Variants in SUGCT observed in about 807,000 individuals in gnomAD.
SUGCT encodes the protein succinyl-CoA:glutarate CoA-transferase.
Under a neutral mutation model 55.0 loss-of-function variants are expected in SUGCT, and 41 were observed. The ratio of observed to expected loss-of-function variants is 0.74; its 90% CI spans 0.58 to 0.97. The LOEUF (loss-of-function observed/expected upper bound fraction) is 0.97, where lower values mean the gene tolerates loss of function less well. Ranked by LOEUF, SUGCT falls within the 50% of genes least tolerant of loss-of-function variation. SUGCT has a pLI of 0.00. For missense variants in SUGCT, 568 were observed against 547.8 expected (o/e 1.04, Z -0.37); for synonymous variants, 187 against 200.4 (o/e 0.93, Z 0.56).
chr7:40,441,510 G>A (rs76359936), intron 9 of SUGCT, among the ~76,000 whole-genome samples: 3,405 of 152,148 alleles, frequency 0.022, 118 homozygotes, highest in African/African-American at 0.078. Context: ...TTAGAATGTT[G>A]AAGCAAATTT....
At chr7:40,275,369 C>A (rs1792396332) in intron 8 of SUGCT, among the ~76,000 whole-genome samples, 1 of 152,010 alleles carries the variant, frequency 6.6e-6, no homozygotes, top group Non-Finnish European at 1.5e-5. Context: ...AAATAAGGTA[C>A]TTAGGATTAC....
chr7:40,508,737 GCT>G (rs1792755413), intron 12 of SUGCT, among the ~76,000 whole-genome samples: 1 of 152,102 alleles, frequency 6.6e-6, no homozygotes, highest in South Asian at 2.1e-4. Context: ...CAGAAAAATT[GCT>G]GTTTTGCTAA....
intron 13 of SUGCT, among the ~76,000 whole-genome samples, chr7:40,795,058 A>G (rs1045786338): frequency 1.3e-5 from 2 of 152,186 alleles, no homozygotes; most frequent in African/African-American, 2.4e-5. Context: ...TTGTAGTTAC[A>G]TGATAAAATA....
intron 7 of SUGCT, among the ~76,000 whole-genome samples, chr7:40,249,944 G>C (rs1269332161): frequency 6.6e-6 from 1 of 152,104 alleles, no homozygotes; most frequent in Non-Finnish European, 1.5e-5. Flanking sequence ...GCACCACCAT[G>C]CGTGGATAAT....
chr7:40,437,986 A>C (rs963238978), intron 9 of SUGCT, among the ~76,000 whole-genome samples: 6 of 151,984 alleles, frequency 3.9e-5, no homozygotes, highest in Non-Finnish European at 7.4e-5. Flanking sequence ...ATAACATAGG[A>C]ACTTCGAGTT....
intron 1 of SUGCT, among the ~76,000 whole-genome samples, chr7:40,161,987 C>T (rs1215457509): frequency 1.3e-5 from 2 of 151,808 alleles, no homozygotes; most frequent in African/African-American, 4.8e-5. Flanking sequence ...ACCTCCGCCT[C>T]CCGGGTTCAA....
the SUGCT span, among the ~76,000 whole-genome samples, chr7:40,868,438 T>G: frequency 0.087 from 13,263 of 152,200 alleles, 682 homozygotes; most frequent in Middle Eastern, 0.14. Context: ...GTTCCTGTGT[T>G]TGTTGAGGAT....
intron 3 of SUGCT, among the ~76,000 whole-genome samples, chr7:40,187,258 G>T (rs1307294155): frequency 1.3e-5 from 2 of 152,076 alleles, no homozygotes; most frequent in African/African-American, 2.4e-5. Flanking sequence ...ACACAGGAAG[G>T]GGAATATCAC....
chr7:40,153,233 G>A, intron 1 of SUGCT: 1 of 391,554 alleles, frequency 2.6e-6, no homozygotes, highest in Non-Finnish European at 4.9e-6. Flanking sequence ...TGATGATTTG[G>A]CATCTTGCAG....
rs367795250 is a variant in SUGCT, at chr7:40,169,213, G to A, written c.101-11734G>A. Among the ~76,000 whole-genome samples the A allele has an allele frequency of 6.0e-4, 92 of 152,194 alleles. 2 individuals carry two copies. In the South Asian group the frequency reaches 0.018, roughly 29 times the overall value. Reference sequence around the variant, plus strand: ...TAGGATGTCTCTCCCTAACAAAGTGGGGCTTTCAGGCATAATTAGAAAGCC... The same window carrying A: ...TAGGATGTCTCTCCCTAACAAAGTGAGGCTTTCAGGCATAATTAGAAAGCC... On this transcript the variant is annotated intron_variant, in intron 1 of 13. Transcript: ENST00000335693.
the SUGCT span, chr7:40,966,188 A>G: frequency 6.6e-6 from 1 of 152,226 alleles, no homozygotes; most frequent in Admixed American, 6.5e-5. Flanking sequence ...TTTCACAGAA[A>G]TTTTACAGGT....
the SUGCT span, among the ~76,000 whole-genome samples, chr7:40,869,026 C>G: frequency 6.6e-6 from 1 of 152,094 alleles, no homozygotes; most frequent in African/African-American, 2.4e-5. Flanking sequence ...TGATATAATC[C>G]TATTAGCTAA....
chr7:40,453,721 A>T (rs1789319074), intron 10 of SUGCT, among the ~76,000 whole-genome samples: 1 of 152,246 alleles, frequency 6.6e-6, no homozygotes. Context: ...TAGAATTTAA[A>T]CAAGACCCAG....
the SUGCT span, among the ~76,000 whole-genome samples, chr7:40,955,013 C>T: frequency 6.6e-6 from 1 of 152,100 alleles, no homozygotes; most frequent in Admixed American, 6.5e-5. Flanking sequence ...GTTTTGGTAC[C>T]AGTACCAAGC....
At chr7:40,639,756 G>A (rs981093653) in intron 12 of SUGCT, among the ~76,000 whole-genome samples, 2 of 150,214 alleles carry the variant, frequency 1.3e-5, no homozygotes, top group Admixed American at 6.6e-5. Context: ...CAGGTGATCC[G>A]CCCACCTCGG....
intron 13 of SUGCT, among the ~76,000 whole-genome samples, chr7:40,784,292 A>G (rs991969882): frequency 4.6e-5 from 7 of 152,144 alleles, no homozygotes; most frequent in Non-Finnish European, 8.8e-5. Context: ...TGCTTTTACC[A>G]TCATCTGAAA....
chr7:40,620,761 G>T (rs1799227447), intron 12 of SUGCT, among the ~76,000 whole-genome samples: 2 of 152,072 alleles, frequency 1.3e-5, no homozygotes, highest in African/African-American at 2.4e-5. Context: ...ATAATAATGA[G>T]ACTGATAAAA....
At chr7:40,421,798 CTT>C (rs1213089026) in intron 9 of SUGCT, among the ~76,000 whole-genome samples, 1 of 152,168 alleles carries the variant, frequency 6.6e-6, no homozygotes, top group African/African-American at 2.4e-5. Flanking sequence ...TGTAATCACT[CTT>C]AGGACTGTGT....
intron 13 of SUGCT, among the ~76,000 whole-genome samples, chr7:40,780,812 T>G (rs956426478): frequency 2.6e-5 from 4 of 151,376 alleles, no homozygotes; most frequent in Non-Finnish European, 5.9e-5. Context: ...CTTTAACAAA[T>G]TTAAAAACAC....
Sources: gnomAD v4.1 joint callset for allele counts (sites outside exome capture counted in the v4.1 genomes callset) on GRCh38, gnomAD v4.1.1 for gene constraint, MANE v1.5 for transcripts, NCBI Gene and HGNC (gene_info 2026-07-23, HGNC 2026-07-21) for gene names.